CLYBL: variants seen among roughly 807,000 people sequenced by gnomAD.
CLYBL encodes the protein citramalyl-CoA lyase, mitochondrial.
In CLYBL, 31 loss-of-function variants were observed where a neutral mutation model predicts 38.9. The ratio of observed to expected loss-of-function variants is 0.80; its 90% CI spans 0.60 to 1.08. CLYBL has a LOEUF of 1.08. Among genes scored for constraint, CLYBL ranks in the 50% least tolerant of loss-of-function variants. The pLI, the probability that CLYBL is intolerant of heterozygous loss-of-function variation, is 0.00. For missense variants in CLYBL, 434 were observed against 411.6 expected (o/e 1.05, Z -0.47); for synonymous variants, 171 against 158.6 (o/e 1.08, Z -0.59).
intron 1 of CLYBL, among the ~76,000 whole-genome samples, chr13:99,621,404 C>A (rs562153280): frequency 6.6e-6 from 1 of 152,298 alleles, no homozygotes; most frequent in South Asian, 2.1e-4. Flanking sequence ...CCCTGGACAC[C>A]TCAGCCAGCC....
intron 1 of CLYBL, among the ~76,000 whole-genome samples, chr13:99,685,483 T>G (rs530130417): frequency 3.9e-5 from 6 of 152,214 alleles, no homozygotes; most frequent in Non-Finnish European, 7.3e-5. Context: ...TGAACTTGAC[T>G]GACAAAGTTT....
rs1489515334 is a variant in CLYBL, at chr13:99,681,063, G to T, written c.62+74306G>T. 6.6e-5 allele frequency among the ~76,000 whole-genome samples: 10 copies of T among 152,308 alleles called. No homozygotes were observed. The East Asian group carries it at 9.6e-4, about 15-fold the overall frequency. On this transcript the variant is annotated intron_variant, in intron 1 of 8. Transcript: ENST00000339105. ...CAGAAGATTATGAGTGGAGTCTTTA[G>T]TCTGTGAACAAAGTCCTAAGAAGGA...
At chr13:99,776,762 T>C (rs1027208555) in intron 2 of CLYBL, among the ~76,000 whole-genome samples, 1 of 152,260 alleles carries the variant, frequency 6.6e-6, no homozygotes. Flanking sequence ...CAGAGACGTA[T>C]ATAGTGCTGA....
chr13:99,753,072 C>T (rs2048986966), intron 1 of CLYBL, among the ~76,000 whole-genome samples: 1 of 152,032 alleles, frequency 6.6e-6, no homozygotes, highest in Non-Finnish European at 1.5e-5. Flanking sequence ...GAGAGGGTGG[C>T]AGACATGCTG....
At chr13:99,760,719 T>C (rs1390756593) in intron 1 of CLYBL, among the ~76,000 whole-genome samples, 2 of 152,262 alleles carry the variant, frequency 1.3e-5, no homozygotes, top group Non-Finnish European at 2.9e-5. Flanking sequence ...TCTTGCTATT[T>C]TGAAAATTCT....
At chr13:99,836,674 T>A (rs1401280353) in intron 2 of CLYBL, among the ~76,000 whole-genome samples, 3 of 152,206 alleles carry the variant, frequency 2.0e-5, no homozygotes, top group African/African-American at 7.2e-5. Context: ...CTATAAAAAG[T>A]ATATATTGCT....
intron 3 of CLYBL, among the ~76,000 whole-genome samples, chr13:99,861,210 G>A (rs2051593300): frequency 6.6e-6 from 1 of 152,130 alleles, no homozygotes; most frequent in Non-Finnish European, 1.5e-5. Context: ...TTAGTACTTA[G>A]TGCAATTTTT....
intron 2 of CLYBL, among the ~76,000 whole-genome samples, chr13:99,791,932 C>G (rs2049925720): frequency 1.3e-5 from 2 of 151,980 alleles, no homozygotes; most frequent in Admixed American, 1.3e-4. Context: ...GCCAATTTTG[C>G]TATTTTTTAA....
At chr13:99,630,293 T>A (rs1025387857) in intron 1 of CLYBL, among the ~76,000 whole-genome samples, 2 of 152,088 alleles carry the variant, frequency 1.3e-5, no homozygotes, top group Non-Finnish European at 2.9e-5. Context: ...CCATTCCTTT[T>A]AAAAAAAATC....
At chr13:99,667,306 G>C (rs904192062) in intron 1 of CLYBL, among the ~76,000 whole-genome samples, 2 of 152,020 alleles carry the variant, frequency 1.3e-5, no homozygotes, top group African/African-American at 2.4e-5. Flanking sequence ...CATCAAGCTC[G>C]TAACTTGTCA....
intron 2 of CLYBL, among the ~76,000 whole-genome samples, chr13:99,816,300 C>T (rs910290860): frequency 1.3e-5 from 2 of 152,238 alleles, no homozygotes; most frequent in Admixed American, 6.5e-5. Flanking sequence ...GGACAGATAT[C>T]TGTTTTCCAA....
At chr13:99,631,012 G>T (rs755321196) in intron 1 of CLYBL, among the ~76,000 whole-genome samples, 1 of 152,048 alleles carries the variant, frequency 6.6e-6, no homozygotes, top group South Asian at 2.1e-4. Flanking sequence ...TTCTTTTACC[G>T]TTACCAAAAA....
rs1244504489 is a variant in CLYBL at position 99,866,364 on chromosome 13, G to A, written c.759G>A (p.Gly253=). 1 of 1,614,150 alleles carries A rather than the reference G, an allele frequency of 6.2e-7. No homozygotes were observed. The highest frequency in any genetic ancestry group is 8.5e-7 in the Non-Finnish European group (1 of 1,180,020). The part of the protein sequence containing the change: ...LVYIDFRDGA[G]LLRQSREGAA... ...ACATTGACTTTCGAGATGGAGCTGG[G>A]CTGCTTAGACAGTCACGAGAAGGAG... The change falls in exon 6 of 9, where the codon GGG becomes GGA. Residue 253 remains glycine (G), a synonymous_variant. Coordinates refer to ENST00000339105, the MANE Select transcript of CLYBL (RefSeq NM_206808.5).
At chr13:99,724,578 C>G (rs1179769389) in intron 1 of CLYBL, among the ~76,000 whole-genome samples, 1 of 151,780 alleles carries the variant, frequency 6.6e-6, no homozygotes, top group Non-Finnish European at 1.5e-5. Flanking sequence ...CTTGGCAAAA[C>G]TTTCTGGTGT....
chr13:99,686,190 C>T (rs1414019964), intron 1 of CLYBL, among the ~76,000 whole-genome samples: 1 of 152,088 alleles, frequency 6.6e-6, no homozygotes, highest in Non-Finnish European at 1.5e-5. Context: ...AGGGTGAGAG[C>T]CCTGGGAGGA....
intron 2 of CLYBL, among the ~76,000 whole-genome samples, chr13:99,815,737 C>G (rs1217418543): frequency 6.6e-6 from 1 of 152,106 alleles, no homozygotes; most frequent in East Asian, 1.9e-4. Context: ...ATTAGCCATG[C>G]ATGATTGTGT....
intron 1 of CLYBL, among the ~76,000 whole-genome samples, chr13:99,712,701 C>T (rs1006795667): frequency 6.6e-6 from 1 of 152,052 alleles, no homozygotes; most frequent in African/African-American, 2.4e-5. Flanking sequence ...TTGACAAAGT[C>T]GTCAATATTA....
At chr13:99,690,917 C>G (rs1188214906) in intron 1 of CLYBL, 1 of 152,184 alleles carries the variant, frequency 6.6e-6, no homozygotes, top group Non-Finnish European at 1.5e-5. Context: ...CTGTCAGCCT[C>G]CTATGTGAAC....
chr13:99,626,187 A>G (rs558807404), intron 1 of CLYBL, among the ~76,000 whole-genome samples: 8 of 152,378 alleles, frequency 5.3e-5, no homozygotes, highest in African/African-American at 1.9e-4. Context: ...CACCTGGATC[A>G]TTCCCAGGGA....
Sources: gnomAD v4.1 joint callset for allele counts (sites outside exome capture counted in the v4.1 genomes callset) on GRCh38, gnomAD v4.1.1 for gene constraint, MANE v1.5 for transcripts, NCBI Gene and HGNC (gene_info 2026-07-23, HGNC 2026-07-21) for gene names.